Variants in PHKB observed in about 807,000 individuals in gnomAD.
PHKB encodes phosphorylase b kinase regulatory subunit beta.
A neutral mutation model predicts 152.1 loss-of-function variants in PHKB; 122 were observed. That is an observed-to-expected ratio of 0.80 (90% confidence interval 0.69 to 0.93). PHKB has a LOEUF of 0.93. Ranked by LOEUF, PHKB falls within the 40% of genes least tolerant of loss-of-function variation. The probability of loss-of-function intolerance (pLI) is 0.00; values close to 1 mark genes in which losing one functional copy is unlikely to be tolerated. For synonymous variants in PHKB, 436 were observed against 464.9 expected (o/e 0.94, Z 0.80); for missense variants, 1,304 against 1,328.4 (o/e 0.98, Z 0.29).
intron 6 of PHKB, among the ~76,000 whole-genome samples, chr16:47,527,904 G>T (rs534401503): frequency 6.6e-6 from 1 of 152,236 alleles, no homozygotes; most frequent in East Asian, 1.9e-4. Context: ...AAAGAGCAAG[G>T]TCTCAGGAGA....
intron 6 of PHKB, 46 bp downstream of exon 6, chr16:47,515,647 A>G (rs1037824256): frequency 4.9e-6 from 4 of 824,544 alleles, no homozygotes; most frequent in Non-Finnish European, 8.6e-6. Context: ...ACCTCTGAAA[A>G]TATCTATTTT....
Position 47,495,190 on chromosome 16 carries a change from C to CT in PHKB, c.77-2194dup, listed in dbSNP as rs200655920. 4.5e-3 allele frequency among the ~76,000 whole-genome samples: 616 copies of CT among 137,358 alleles called. 10 individuals carry two copies. In the East Asian group the frequency reaches 0.059, roughly 13 times the overall value. 90.1% of individuals were successfully genotyped at this position (137,358 alleles called of 152,430 possible). ...TTTATTGTTGCCTCTAACAGAACTCCTTTTTTTTTTTTTTTAAGAAAAATT... is the reference window on the plus strand; with the variant it reads ...TTTATTGTTGCCTCTAACAGAACTCCTTTTTTTTTTTTTTTTAAGAAAAATT... On this transcript the variant is annotated intron_variant, in intron 1 of 30. Coordinates refer to ENST00000323584, the MANE Select transcript of PHKB (RefSeq NM_000293.3).
rs373487828 is a variant in PHKB at position 47,684,641 on chromosome 16, C to T, written c.2631-4400C>T. 2.4e-4 allele frequency among the ~76,000 whole-genome samples: 36 copies of T among 152,262 alleles called. No individual in the cohort carries two copies. The East Asian group carries it at 6.6e-3, about 28-fold the overall frequency. The stretch of plus-strand genomic sequence containing the variant: ...AATTAGCTGGGCGTAGTAGCGGGCG[C>T]CTGTAGTCCCAGCTACTCGGGAAGC... On this transcript the variant is annotated intron_variant, in intron 26 of 30. Transcript: ENST00000323584.
Position 47,691,817 on chromosome 16 carries a change from A to G in PHKB, c.2766-1561A>G, listed in dbSNP as rs940481569. ...ATTTTTCAAAATGAAAAGACAAAAA[A>G]TAAAGGATCTTTCAAAATAATTTTC... On this transcript the variant is annotated intron_variant, in intron 27 of 30. Coordinates refer to ENST00000323584, the MANE Select transcript of PHKB (RefSeq NM_000293.3). Among the ~76,000 whole-genome samples, 3 of 152,242 alleles carry G rather than the reference A, an allele frequency of 2.0e-5. No homozygotes were observed. The South Asian group carries it at 6.2e-4, about 31-fold the overall frequency.
chr16:47,566,653 C>T, intron 7 of PHKB: 1 of 946,270 alleles, frequency 1.1e-6, no homozygotes, highest in South Asian at 1.3e-5. Context: ...ATATTGGGTT[C>T]CCAAGCAGCC....
chr16:47,463,566 C>A, intron 1 of PHKB: 1 of 235,424 alleles, frequency 4.2e-6, no homozygotes, highest in Non-Finnish European at 8.5e-6. Context: ...ACTTGACTAA[C>A]CTGACTCCAG....
At chr16:47,610,546 A>C (rs1280111125) in intron 13 of PHKB, among the ~76,000 whole-genome samples, 4 of 152,020 alleles carry the variant, frequency 2.6e-5, no homozygotes, top group Admixed American at 1.3e-4. Flanking sequence ...GTATGTTTTC[A>C]TTTCCACATA....
chr16:47,669,468 C>CT (rs1302065207), intron 26 of PHKB, 51 bp downstream of exon 26: 1 of 1,523,274 alleles, frequency 6.6e-7, no homozygotes, highest in Admixed American at 1.7e-5. Flanking sequence ...AAGTTGTCCT[C>CT]TAACAGACCC....
intron 29 of PHKB, among the ~76,000 whole-genome samples, chr16:47,696,871 T>G (rs979119728): frequency 1.3e-5 from 2 of 152,184 alleles, no homozygotes; most frequent in Admixed American, 1.3e-4. Flanking sequence ...GCACAACTAT[T>G]GTAGAAAGTT....
chr16:47,671,537 G>A (rs560682880), intron 26 of PHKB, among the ~76,000 whole-genome samples: 2 of 151,702 alleles, frequency 1.3e-5, no homozygotes, highest in African/African-American at 4.8e-5. Context: ...GTTTATTGTT[G>A]GGTTGAGCTC....
intron 23 of PHKB, among the ~76,000 whole-genome samples, chr16:47,663,142 C>T (rs184679268): frequency 1.0e-3 from 156 of 152,074 alleles, no homozygotes; most frequent in African/African-American, 2.6e-3. Context: ...TTCTTTTTGG[C>T]GCTCTTTCCT....
intron 1 of PHKB, among the ~76,000 whole-genome samples, chr16:47,467,634 A>G (rs931982174): frequency 4.6e-5 from 7 of 152,186 alleles, no homozygotes; most frequent in Non-Finnish European, 8.8e-5. Context: ...TTTAGGAAAT[A>G]GAGGCCATAT....
intron 25 of PHKB, among the ~76,000 whole-genome samples, chr16:47,666,567 G>GTC (rs754229932): frequency 6.6e-6 from 1 of 152,188 alleles, no homozygotes; most frequent in Non-Finnish European, 1.5e-5. Context: ...GTTAGCAGTG[G>GTC]TCTCTCTCTC....
chr16:47,603,721 T>C (rs559351324), intron 13 of PHKB, among the ~76,000 whole-genome samples: 22 of 152,254 alleles, frequency 1.4e-4, no homozygotes, highest in African/African-American at 4.6e-4. Flanking sequence ...CCCAGGCTGG[T>C]CTCGAACTCC....
chr16:47,507,827 G>T (rs1228521102), intron 4 of PHKB, among the ~76,000 whole-genome samples: 4 of 152,182 alleles, frequency 2.6e-5, no homozygotes, highest in Non-Finnish European at 5.9e-5. Context: ...CCAGCTCAAA[G>T]CCTCTCACCA....
chr16:47,463,042 AGT>A (rs1291592405), intron 1 of PHKB: 3 of 152,662 alleles, frequency 2.0e-5, no homozygotes, highest in African/African-American at 7.2e-5. Context: ...GGATATAAAA[AGT>A]GTTATTGGAT....
In PHKB at chr16:47,699,348, C is replaced by G; in HGVS notation, c.3264C>G (p.Asp1088Glu). ...GAGAAGTCAAGCCAAACAATGATGACCCGTGTCTGATTAGCTAGTGGGGAA... is the reference window on the plus strand; with the variant it reads ...GAGAAGTCAAGCCAAACAATGATGAGCCGTGTCTGATTAGCTAGTGGGGAA... Reference protein sequence around the residue: ...LEGEVKPNNDDPCLIS With the variant: ...LEGEVKPNNDEPCLIS The change falls in exon 31 of 31, where the codon GAC (aspartate) becomes GAG (glutamate). Residue 1088 changes from aspartate (D) to glutamate (E), a missense_variant. Coordinates refer to ENST00000323584, the MANE Select transcript of PHKB (RefSeq NM_000293.3). The G allele has an allele frequency of 6.2e-7, 1 of 1,614,138 alleles. No homozygotes were observed. Among genetic ancestry groups the G allele is most frequent in the Non-Finnish European group, 8.5e-7 (1 of 1,180,006 alleles).
chr16:47,553,397 G>A (rs939400819), intron 7 of PHKB, among the ~76,000 whole-genome samples: 2 of 151,954 alleles, frequency 1.3e-5, no homozygotes, highest in African/African-American at 2.4e-5. Context: ...GGTCATTTAT[G>A]TTCTTCTCTA....
intron 7 of PHKB, chr16:47,547,858 C>G: frequency 2.9e-6 from 1 of 340,238 alleles, no homozygotes; most frequent in South Asian, 2.6e-5. Flanking sequence ...TCTTTTTCCT[C>G]TTTGAAATTA....
Sources: allele counts gnomAD v4.1 joint callset (sites outside exome capture counted in the v4.1 genomes callset), GRCh38; gene constraint gnomAD v4.1.1; transcripts MANE v1.5; gene names NCBI Gene and HGNC (gene_info 2026-07-23, HGNC 2026-07-21).